The following MORN1 variants were observed in gnomAD, a reference collection of about 807,000 sequenced individuals.
MORN1 encodes the protein MORN repeat-containing protein 1.
Under a neutral mutation model 61.9 loss-of-function variants are expected in MORN1, and 67 were observed. The ratio of observed to expected loss-of-function variants is 1.08; its 90% CI spans 0.89 to 1.33. The LOEUF (loss-of-function observed/expected upper bound fraction) is 1.33. Among genes scored for constraint, MORN1 ranks in the 40% most tolerant of loss-of-function variants. The probability of loss-of-function intolerance (pLI) is 0.00; values close to 1 mark genes in which losing one functional copy is unlikely to be tolerated. For missense variants in MORN1, 752 were observed against 691.2 expected (o/e 1.09, Z -0.99); for synonymous variants, 301 against 292.0 (o/e 1.03, Z -0.31).
At chr1:2,324,911 G>A (rs1640968603) in intron 12 of MORN1, among the ~76,000 whole-genome samples, 1 of 151,892 alleles carries the variant, frequency 6.6e-6, no homozygotes, top group Non-Finnish European at 1.5e-5. Context: ...AGGGAAGCAG[G>A]TGGGCCCTGA....
At chr1:2,361,214 A>T (rs6674705) in intron 8 of MORN1, among the ~76,000 whole-genome samples, 2 of 152,216 alleles carry the variant, frequency 1.3e-5, no homozygotes, top group Non-Finnish European at 2.9e-5. Context: ...CATGGTGATC[A>T]TAACTGTATT....
intron 10 of MORN1, chr1:2,352,221 C>T (rs1321987041): frequency 9.5e-6 from 2 of 210,626 alleles, no homozygotes; most frequent in African/African-American, 2.4e-5. Flanking sequence ...GGTGCTTCTC[C>T]TTGCCACTTA....
chr1:2,324,803 T>C (rs1640965246), intron 12 of MORN1, among the ~76,000 whole-genome samples: 1 of 152,092 alleles, frequency 6.6e-6, no homozygotes, highest in African/African-American at 2.4e-5. Context: ...CCAGGGTTTC[T>C]GAACTGCAAC....
intron 10 of MORN1, among the ~76,000 whole-genome samples, chr1:2,341,312 G>GC (rs1641389013): frequency 6.6e-6 from 1 of 152,090 alleles, no homozygotes. Context: ...CAGTGTACCT[G>GC]CCCCCCAACA....
At chr1:2,324,071 G>A (rs781318917) in intron 13 of MORN1, 26 bp downstream of exon 13, 24 of 1,585,476 alleles carry the variant, frequency 1.5e-5, no homozygotes, top group East Asian at 2.3e-5. Context: ...CACAGCCGGC[G>A]ATGGACTTGG....
At chr1:2,356,183 T>C (rs2100301428) in intron 10 of MORN1, among the ~76,000 whole-genome samples, 1 of 152,068 alleles carries the variant, frequency 6.6e-6, no homozygotes, top group African/African-American at 2.4e-5. Flanking sequence ...TCTGTGCAAA[T>C]CCTGGGGAGA....
rs1227235930 is a variant in MORN1, at chr1:2,334,446, G to A, written c.1250+2023C>T. Among the ~76,000 whole-genome samples, 1 of 152,210 alleles carries A rather than the reference G, an allele frequency of 6.6e-6. No individual in the cohort carries two copies. Among genetic ancestry groups the A allele is most frequent in the Non-Finnish European group, 1.5e-5 (1 of 68,026 alleles). ...CCCAGGAGCGGGCAGAGCTTACGGA[G>A]AGTTCCCGATGGGAAAGACTCCCCA... On this transcript the variant is annotated intron_variant, in intron 12 of 13. Transcript: ENST00000378531. This position sits in a 1 kb window ranked among gnomAD's most constrained non-coding sequence, Gnocchi z 5.4.
intron 10 of MORN1, among the ~76,000 whole-genome samples, chr1:2,344,134 C>T (rs1641459318): frequency 1.3e-5 from 2 of 152,328 alleles, no homozygotes; most frequent in South Asian, 4.1e-4. Flanking sequence ...CCCTACAAAG[C>T]AGAGAATGTG....
Position 2,324,082 on chromosome 1 carries a change from G to A in MORN1, c.1297+15C>T, listed in dbSNP as rs755975392. 14 of 1,592,040 alleles carry A rather than the reference G, an allele frequency of 8.8e-6. No individual in the cohort carries two copies. Among genetic ancestry groups the A allele is most frequent in the South Asian group, 1.1e-5 (1 of 87,976 alleles). On this transcript the variant is annotated intron_variant, in intron 13 of 13. Transcript: ENST00000378531. Reference sequence around the variant, plus strand: ...GTGGCACAGCCGGCGATGGACTTGGGCCCTGTCCACCTACCTAGGTGTGCT... The same window carrying A: ...GTGGCACAGCCGGCGATGGACTTGGACCCTGTCCACCTACCTAGGTGTGCT...
chr1:2,338,733 G>A (rs1251233495), intron 10 of MORN1, among the ~76,000 whole-genome samples: 1 of 152,198 alleles, frequency 6.6e-6, no homozygotes, highest in African/African-American at 2.4e-5. Flanking sequence ...GAGCCTGGAG[G>A]GTGTCTGCAT....
intron 9 of MORN1, among the ~76,000 whole-genome samples, chr1:2,358,357 G>C (rs987704057): frequency 6.6e-6 from 1 of 152,174 alleles, no homozygotes; most frequent in African/African-American, 2.4e-5. Flanking sequence ...AGCGCTGGGG[G>C]AGACTAGGGG....
intron 9 of MORN1, 101 bp downstream of exon 9, chr1:2,358,491 C>G: frequency 6.7e-7 from 1 of 1,485,362 alleles, no homozygotes; most frequent in South Asian, 1.2e-5. Context: ...ATAACCAGGA[C>G]TTAGCCCAGG....
chr1:2,378,859 T>C (rs940215466), intron 6 of MORN1: 10 of 444,380 alleles, frequency 2.3e-5, no homozygotes, highest in Non-Finnish European at 4.5e-5. Flanking sequence ...CTGGTGGGGG[T>C]GCTCGTGGCC....
chr1:2,324,016 C>A (rs1479354321), intron 13 of MORN1, 81 bp downstream of exon 13: 20 of 1,498,156 alleles, frequency 1.3e-5, no homozygotes, highest in Non-Finnish European at 2.7e-6. Context: ...TTCCCCCAAC[C>A]CCACCTCCAG....
At chr1:2,332,756 G>C (rs1203498577) in intron 12 of MORN1, 2 of 456,428 alleles carry the variant, frequency 4.4e-6, no homozygotes, top group Non-Finnish European at 4.4e-6. Flanking sequence ...TTGGGATCCT[G>C]GGAGGGGTGA....
Position 2,387,252 on chromosome 1 carries a change from G to C in MORN1, c.358+167C>G, listed in dbSNP as rs1642523903. 10 of 643,104 alleles carry C rather than the reference G, an allele frequency of 1.6e-5. No individual in the cohort carries two copies. The East Asian group carries it at 2.4e-4, about 16-fold the overall frequency. 39.8% of individuals were successfully genotyped at this position (643,104 alleles called of 1,614,324 possible). A position where few individuals can be genotyped will look rare whatever the true frequency, so the allele number is the denominator to read the frequency against. The stretch of plus-strand genomic sequence containing the variant: ...GGCATACTGGTGTATGCCGGGCATA[G>C]GACATGGCCTGGTGGTGCGGAGAAG... On this transcript the variant is annotated intron_variant, in intron 4 of 13. Transcript: ENST00000378531.
chr1:2,325,291 T>G (rs1019298361), intron 12 of MORN1, among the ~76,000 whole-genome samples: 1 of 143,962 alleles, frequency 6.9e-6, no homozygotes, highest in African/African-American at 2.6e-5. Context: ...CTCTCTCCTC[T>G]CTCTCTCTCT....
chr1:2,362,677 A>C (rs550637249), intron 8 of MORN1, among the ~76,000 whole-genome samples: 2 of 152,188 alleles, frequency 1.3e-5, no homozygotes, highest in African/African-American at 2.4e-5. Context: ...TCTGGCCTAC[A>C]TGGCCAAACC....
chr1:2,387,754 G>C (rs1285355668), intron 3 of MORN1: 2 of 562,678 alleles, frequency 3.6e-6, no homozygotes, highest in Admixed American at 6.0e-5. Flanking sequence ...CACTCTCTTT[G>C]GGCATCTATC....
Sources: gnomAD v4.1 joint callset for allele counts (sites outside exome capture counted in the v4.1 genomes callset) on GRCh38, gnomAD v4.1.1 for gene constraint, Gnocchi (gnomAD v3.1) non-coding constraint, MANE v1.5 for transcripts, NCBI Gene and HGNC (gene_info 2026-07-23, HGNC 2026-07-21) for gene names.